The following PHF20L1 variants were observed in gnomAD, a reference collection of about 807,000 sequenced individuals.
PHF20L1 encodes PHD finger protein 20-like protein 1.
A neutral mutation model predicts 125.5 loss-of-function variants in PHF20L1; 44 were observed. That is an observed-to-expected ratio of 0.35 (90% CI 0.28 to 0.45). The LOEUF is 0.45. Among genes scored for constraint, PHF20L1 ranks in the 20% least tolerant of loss-of-function variants. The pLI is 1.00. For missense variants in PHF20L1, 1,012 were observed against 1,217.2 expected, an observed-to-expected ratio of 0.83 and a Z score of 2.51; for synonymous variants, 380 against 403.1, an observed-to-expected ratio of 0.94 and a Z score of 0.69.
chr8:132,808,611 T>G (rs1834001686), intron 8 of PHF20L1: 1 of 152,062 alleles, frequency 6.6e-6, no homozygotes, highest in Non-Finnish European at 1.5e-5. Context: ...ATTTCAATAG[T>G]TCATTGGGCC....
At chr8:132,807,977 T>C (rs1833930196) in intron 8 of PHF20L1, 1 of 215,534 alleles carries the variant, frequency 4.6e-6, no homozygotes, top group Non-Finnish European at 9.4e-6. Flanking sequence ...CTTCTCATTT[T>C]CTATGGATAG....
intron 19 of PHF20L1, chr8:132,843,420 A>G (rs1838126921): frequency 2.0e-6 from 2 of 980,908 alleles, no homozygotes; most frequent in African/African-American, 1.8e-5. Flanking sequence ...CTGATTTTCA[A>G]TTAATGAGGC....
chr8:132,840,107 C>G (rs1251726043), intron 18 of PHF20L1, among the ~76,000 whole-genome samples: 1 of 152,028 alleles, frequency 6.6e-6, no homozygotes, highest in Non-Finnish European at 1.5e-5. Context: ...TCTTGAAGTC[C>G]TTATTTCCAG....
intron 6 of PHF20L1, among the ~76,000 whole-genome samples, chr8:132,802,298 T>G (rs1458674748): frequency 6.6e-6 from 1 of 151,674 alleles, no homozygotes; most frequent in Admixed American, 6.6e-5. Context: ...TCCTGGCCTT[T>G]GTTTAATGTT....
rs569999902 is a variant in PHF20L1 at position 132,793,199 on chromosome 8, C to T, written c.84-1211C>T. On this transcript the variant is annotated intron_variant, in intron 2 of 20. Transcript: ENST00000395386. ...AGGAAGGGAAGGGTGGTTTAGGGCT[C>T]GGACGGAAAGAATAGAATGGAGAAT... 2.8e-4 allele frequency among the ~76,000 whole-genome samples: 43 copies of T among 151,922 alleles called. No homozygotes were observed. The South Asian group carries it at 5.6e-3, about 20-fold the overall frequency.
At chr8:132,831,468 C>T (rs888714749) in intron 14 of PHF20L1, among the ~76,000 whole-genome samples, 1 of 152,004 alleles carries the variant, frequency 6.6e-6, no homozygotes, top group Non-Finnish European at 1.5e-5. Flanking sequence ...CTGAGAAAAA[C>T]AGAATTTTTA....
intron 6 of PHF20L1, among the ~76,000 whole-genome samples, chr8:132,801,773 A>C (rs1226966769): frequency 3.3e-5 from 2 of 60,920 alleles, no homozygotes; most frequent in Non-Finnish European, 7.0e-5. Flanking sequence ...AGAACTCAAC[A>C]TAAAAATAAA....
rs572687903 is a variant in PHF20L1 at position 132,784,773 on chromosome 8, G to A, written c.83+6862G>A. Among the ~76,000 whole-genome samples the A allele has an allele frequency of 3.9e-4, 60 of 152,178 alleles. 1 individual carries two copies. Among genetic ancestry groups the A allele is most frequent in the African/African-American group, 1.4e-3 (58 of 41,512 alleles). On this transcript the variant is annotated intron_variant, in intron 2 of 20. Coordinates refer to ENST00000395386, the MANE Select transcript of PHF20L1 (RefSeq NM_016018.5). ...TTGCATAGATTTCCTAAAGCTTTGC[G>A]CCTCAGTTAACTAAATGGGCTCAGT...
intron 2 of PHF20L1, among the ~76,000 whole-genome samples, chr8:132,780,243 CTATT>C (rs2131306816): frequency 6.6e-6 from 1 of 152,178 alleles, no homozygotes; most frequent in Non-Finnish European, 1.5e-5. Context: ...CTTGGACCAA[CTATT>C]TAATTACTAA....
intron 2 of PHF20L1, among the ~76,000 whole-genome samples, chr8:132,782,553 C>T (rs1830545213): frequency 6.6e-6 from 1 of 151,594 alleles, no homozygotes; most frequent in South Asian, 2.1e-4. Flanking sequence ...GGCAAAACAT[C>T]TCATTGCAAC....
intron 2 of PHF20L1, among the ~76,000 whole-genome samples, chr8:132,793,930 T>A (rs546282988): frequency 1.3e-5 from 2 of 152,314 alleles, no homozygotes; most frequent in South Asian, 4.1e-4. Context: ...TTTCCCCACA[T>A]TGTAAATTCT....
At chr8:132,838,456 T>A (rs1403842052) in intron 17 of PHF20L1, 1 of 152,478 alleles carries the variant, frequency 6.6e-6, no homozygotes. Flanking sequence ...AATCTATGCC[T>A]TTTGACTCTC....
At position 132,848,051 on chromosome 8, in the gene PHF20L1, A is replaced by C. The variant is rs1447623023; in HGVS notation, c.*2128A>C. ...ACCTATGAATAATGGTGTTGCCTAGATTCTTGTCACACACACAGAAGACCC... is the reference window on the plus strand; with the variant it reads ...ACCTATGAATAATGGTGTTGCCTAGCTTCTTGTCACACACACAGAAGACCC... On this transcript the variant is annotated 3_prime_UTR_variant, in exon 21 of 21. Transcript: ENST00000395386. 6.6e-6 allele frequency: 1 copy of C among 152,016 alleles called. No individual in the cohort carries two copies. Among genetic ancestry groups the C allele is most frequent in the East Asian group, 1.9e-4 (1 of 5,190 alleles). The allele number at this position is 152,016 out of a possible 1,614,324, so 9.4% of individuals were successfully genotyped here. A position where few individuals can be genotyped will look rare whatever the true frequency, so the allele number is the denominator to read the frequency against.
At position 132,847,448 on chromosome 8, in the gene PHF20L1, TAGAC is replaced by T. The variant is rs986279034; in HGVS notation, c.*1528_*1531del. 9.2e-5 allele frequency: 14 copies of T among 152,740 alleles called. No homozygotes were observed. Among genetic ancestry groups the T allele is most frequent in the Admixed American group, 4.6e-4 (7 of 15,298 alleles). 9.5% of individuals were successfully genotyped at this position (152,740 alleles called of 1,614,324 possible). ...CTGTATAAATGCATTTTAGAACTGA[TAGAC>T]AGTAAACTTGAATTTATCTTTGATA... is the stretch of plus-strand genomic sequence containing the variant. On this transcript the variant is annotated 3_prime_UTR_variant, in exon 21 of 21. Coordinates refer to ENST00000395386, the MANE Select transcript of PHF20L1 (RefSeq NM_016018.5).
At chr8:132,804,477 GT>G in intron 7 of PHF20L1, 137 bp from the exon 8 acceptor site, 2 of 557,438 alleles carry the variant, frequency 3.6e-6, no homozygotes, top group Non-Finnish European at 6.3e-6. Flanking sequence ...AGGGATTTGT[GT>G]TTTTCAAAGG....
Position 132,847,534 on chromosome 8 carries a change from A to G in PHF20L1, c.*1611A>G, listed in dbSNP as rs556157302. 3 of 152,732 alleles carry G rather than the reference A, an allele frequency of 2.0e-5. No homozygotes were observed. Among genetic ancestry groups the G allele is most frequent in the East Asian group, 1.9e-4 (1 of 5,188 alleles). 9.5% of individuals were successfully genotyped at this position (152,732 alleles called of 1,614,324 possible). On this transcript the variant is annotated 3_prime_UTR_variant, in exon 21 of 21. Coordinates refer to ENST00000395386, the MANE Select transcript of PHF20L1 (RefSeq NM_016018.5). Reference sequence around the variant, plus strand: ...TTTAAATTTGCAAACACATTGTTCTATATGTAAGGGTACTGTATGTAAAAC... The same window carrying G: ...TTTAAATTTGCAAACACATTGTTCTGTATGTAAGGGTACTGTATGTAAAAC...
chr8:132,775,608 G>A lies in PHF20L1; in HGVS notation c.-75G>A. On this transcript the variant is annotated 5_prime_UTR_variant, in exon 1 of 21. Coordinates refer to ENST00000395386, the MANE Select transcript of PHF20L1 (RefSeq NM_016018.5). ...CCTGCTCGTGCCCCAGCTCGGCCCC[G>A]GACGGCCCGGCTGCTGTGCAGAGAG... is the stretch of plus-strand genomic sequence containing the variant. 1 of 344,974 alleles carries A rather than the reference G, an allele frequency of 2.9e-6. No individual in the cohort carries two copies. The highest frequency in any genetic ancestry group is 5.2e-6 in the Non-Finnish European group (1 of 191,258). 21.4% of individuals were successfully genotyped at this position (344,974 alleles called of 1,614,324 possible). A position where few individuals can be genotyped will look rare whatever the true frequency, so the allele number is the denominator to read the frequency against.
chr8:132,834,285 G>A (rs1375682894), intron 15 of PHF20L1, among the ~76,000 whole-genome samples: 3 of 152,098 alleles, frequency 2.0e-5, no homozygotes, highest in Admixed American at 2.0e-4. Context: ...TGCCATGCAA[G>A]TATATGTGAG....
chr8:132,803,544 A>G (rs547729954), intron 6 of PHF20L1: 37 of 347,840 alleles, frequency 1.1e-4, no homozygotes, highest in African/African-American at 5.4e-4. Flanking sequence ...TTCCTCTGCT[A>G]TTTTAGATTT....
Sources: allele counts gnomAD v4.1 joint callset (sites outside exome capture counted in the v4.1 genomes callset), GRCh38; gene constraint gnomAD v4.1.1; transcripts MANE v1.5; gene names NCBI Gene and HGNC (gene_info 2026-07-23, HGNC 2026-07-21).